DNAH5: variants seen among roughly 807,000 people sequenced by gnomAD.
DNAH5 encodes the protein dynein axonemal heavy chain 5.
In DNAH5, 372 loss-of-function variants were observed where a neutral mutation model predicts 518.2. The ratio of observed to expected loss-of-function variants is 0.72; its 90% confidence interval spans 0.66 to 0.78. The LOEUF is 0.78. DNAH5 is among the 30% of genes least tolerant of loss of function. The pLI is 0.00. For synonymous variants in DNAH5, 2,039 were observed against 2,025.9 expected (o/e 1.01, Z -0.17); for missense variants, 5,523 against 5,687.0 (o/e 0.97, Z 0.93).
chr5:13,701,146 T>C, intron 77 of DNAH5, 138 bp downstream of exon 77: 3 of 1,167,822 alleles, frequency 2.6e-6, no homozygotes, highest in Non-Finnish European at 3.8e-6. Context: ...CTGGGATTTA[T>C]GTACATGACA....
chr5:14,006,710 T>C (rs1196089281), intron 1 of DNAH5, among the ~76,000 whole-genome samples: 1 of 152,208 alleles, frequency 6.6e-6, no homozygotes, highest in Admixed American at 6.5e-5. Flanking sequence ...TAACACATAG[T>C]AAGCACTTAT....
intron 62 of DNAH5, 137 bp downstream of exon 62, chr5:13,754,066 T>C (rs1281082409): frequency 6.1e-6 from 6 of 985,630 alleles, no homozygotes; most frequent in South Asian, 1.4e-5. Flanking sequence ...TTAGGGTACA[T>C]GCGCACAATG....
chr5:13,992,373 A>C (rs954148662), intron 1 of DNAH5, among the ~76,000 whole-genome samples: 1 of 152,244 alleles, frequency 6.6e-6, no homozygotes, highest in Non-Finnish European at 1.5e-5. Flanking sequence ...ACAGATAGAC[A>C]TAAGAATGAG....
intron 1 of DNAH5, among the ~76,000 whole-genome samples, chr5:13,963,872 T>A (rs955217231): frequency 6.6e-6 from 1 of 152,144 alleles, no homozygotes. Flanking sequence ...TGTTTTTTTG[T>A]AGAGACGTGA....
chr5:13,915,278 T>C (rs1023814074), intron 9 of DNAH5, among the ~76,000 whole-genome samples: 1 of 152,072 alleles, frequency 6.6e-6, no homozygotes, highest in Admixed American at 6.6e-5. Context: ...AGATCAGCCA[T>C]GCGTGGATAT....
At chr5:13,924,319 G>A (rs927835102) in intron 3 of DNAH5, among the ~76,000 whole-genome samples, 2 of 152,146 alleles carry the variant, frequency 1.3e-5, no homozygotes, top group South Asian at 2.1e-4. Context: ...TCCCAGCCAC[G>A]TGACCTTGGC....
At chr5:13,699,373 G>A (rs1416508444) in intron 78 of DNAH5, among the ~76,000 whole-genome samples, 2 of 152,140 alleles carry the variant, frequency 1.3e-5, no homozygotes, top group African/African-American at 4.8e-5. Context: ...AGCACCTAAG[G>A]TTATGGCTGG....
intron 11 of DNAH5, among the ~76,000 whole-genome samples, chr5:13,912,005 T>C (rs1399507205): frequency 6.6e-6 from 1 of 152,184 alleles, no homozygotes; most frequent in Non-Finnish European, 1.5e-5. Flanking sequence ...ATCCACCACT[T>C]AAAACCTTTC....
chr5:13,859,834 T>C (rs1768146081), intron 29 of DNAH5, among the ~76,000 whole-genome samples: 1 of 152,158 alleles, frequency 6.6e-6, no homozygotes, highest in South Asian at 2.1e-4. Flanking sequence ...GTGGGAGATT[T>C]ATAATCTAAG....
rs78346432 is a variant in DNAH5, at chr5:13,735,860, G to A, written c.11528C>T (p.Ser3843Leu). The change falls in exon 67 of 79, where the codon TCG becomes TTG. Residue 3843 changes from serine (S) to leucine (L), a missense_variant. Physicochemically the swap from Ser to Leu is moderately radical, Grantham distance 145. Coordinates refer to ENST00000265104, the MANE Select transcript of DNAH5 (RefSeq NM_001369.3). ...AAATAAGCCCAGAAACTGGCGAAGC[G>A]AAGTCTGATACATCTCATTAACCAA... ...MRLVNEMYQT[S>L]LRQFLGLFDL... 1.2e-5 allele frequency: 19 copies of A among 1,614,026 alleles called. No individual in the cohort carries two copies. Among genetic ancestry groups the A allele is most frequent in the Admixed American group, 1.7e-5 (1 of 60,006 alleles).
chr5:13,694,786 T>C (rs776951428), intron 78 of DNAH5, among the ~76,000 whole-genome samples: 9 of 152,196 alleles, frequency 5.9e-5, no homozygotes, highest in Non-Finnish European at 1.3e-4. Flanking sequence ...TACTAGACAG[T>C]TCACTCTTAA....
intron 49 of DNAH5, among the ~76,000 whole-genome samples, chr5:13,792,669 T>C (rs1205006442): frequency 1.1e-5 from 1 of 87,536 alleles, no homozygotes; most frequent in African/African-American, 4.0e-5. Context: ...ATAACAGTCA[T>C]TTTTTTCTGG....
chr5:13,800,314 T>C (rs1758553099), intron 47 of DNAH5, among the ~76,000 whole-genome samples: 2 of 152,326 alleles, frequency 1.3e-5, no homozygotes, highest in South Asian at 2.1e-4. Context: ...AAAAACTGTA[T>C]ACTTGGACAT....
At chr5:13,946,993 T>C (rs974514038), upstream of DNAH5, among the ~76,000 whole-genome samples, 1 of 152,226 alleles carries the variant, frequency 6.6e-6, no homozygotes, top group Non-Finnish European at 1.5e-5. Context: ...AAAATAATGC[T>C]GCCTATTCAA....
In DNAH5 at chr5:13,769,473, T is replaced by C. The variant is rs371146956; in HGVS notation, c.9720+28A>G. On this transcript the variant is annotated intron_variant, in intron 57 of 78. Coordinates refer to ENST00000265104, the MANE Select transcript of DNAH5 (RefSeq NM_001369.3). Reference sequence around the variant, plus strand: ...TTGTGAACTGAGAATTCAAAAGGAATGTGGCACATGTGTAAATGCCCACCC... The same window carrying C: ...TTGTGAACTGAGAATTCAAAAGGAACGTGGCACATGTGTAAATGCCCACCC... The C allele has an allele frequency of 7.6e-5, 119 of 1,556,394 alleles. No homozygotes were observed. In the African/African-American group the frequency reaches 8.0e-4, roughly 10 times the overall value.
chr5:13,971,413 A>G (rs1451640530), intron 1 of DNAH5, among the ~76,000 whole-genome samples: 2 of 152,134 alleles, frequency 1.3e-5, no homozygotes, highest in Admixed American at 1.3e-4. Flanking sequence ...ATTATCAGAG[A>G]AAAGATCTGG....
intron 7 of DNAH5, among the ~76,000 whole-genome samples, chr5:13,918,661 G>A (rs1776916721): frequency 6.6e-6 from 1 of 152,024 alleles, no homozygotes; most frequent in Non-Finnish European, 1.5e-5. Context: ...TAAGAGATGG[G>A]GTTTCACCAT....
At chr5:13,834,964 A>G (rs371412583) in intron 35 of DNAH5, among the ~76,000 whole-genome samples, 7 of 152,234 alleles carry the variant, frequency 4.6e-5, no homozygotes, top group African/African-American at 1.7e-4. Flanking sequence ...CGACAGAGGC[A>G]GGGAAGCCAG....
chr5:13,793,495 C>A lies in DNAH5; in HGVS notation c.8224+20G>T, dbSNP rs1214325739. ...GGTGTTCTTCCTCACCCTCCCACCC[C>A]ACATCCTCTTGATCTTTACCAAAGA... On this transcript the variant is annotated intron_variant, in intron 49 of 78. Transcript: ENST00000265104. 6.2e-7 allele frequency: 1 copy of A among 1,603,738 alleles called. No homozygotes were observed. The highest frequency in any genetic ancestry group is 8.5e-7 in the Non-Finnish European group (1 of 1,170,714).
Sources: allele counts gnomAD v4.1 joint callset (sites outside exome capture counted in the v4.1 genomes callset), GRCh38; gene constraint gnomAD v4.1.1; transcripts MANE v1.5; gene names NCBI Gene and HGNC (gene_info 2026-07-23, HGNC 2026-07-21).